LRBA: variants seen among roughly 807,000 people sequenced by gnomAD.
The protein encoded by LRBA is lipopolysaccharide-responsive and beige-like anchor protein.
Under a neutral mutation model 330.0 loss-of-function variants are expected in LRBA, and 176 were observed. That is an observed-to-expected ratio of 0.53 (90% CI 0.47 to 0.60). The LOEUF (loss-of-function observed/expected upper bound fraction) is 0.60. Among genes scored for constraint, LRBA ranks in the 20% least tolerant of loss-of-function variants. The pLI, the probability that LRBA is intolerant of heterozygous loss-of-function variation, is 0.00. For missense variants in LRBA, 3,259 were observed against 3,444.8 expected, an observed-to-expected ratio of 0.95 and a Z score of 1.35; for synonymous variants, 1,230 against 1,193.0, an observed-to-expected ratio of 1.03 and a Z score of -0.64.
At chr4:150,415,045 C>A (rs1014686386) in intron 47 of LRBA, among the ~76,000 whole-genome samples, 1 of 152,118 alleles carries the variant, frequency 6.6e-6, no homozygotes, top group Non-Finnish European at 1.5e-5. Flanking sequence ...AGATACAGGA[C>A]ATAATTTGAA....
chr4:150,286,809 ATGGT>A (rs756315382), intron 53 of LRBA, among the ~76,000 whole-genome samples: 1 of 152,122 alleles, frequency 6.6e-6, no homozygotes, highest in Non-Finnish European at 1.5e-5. Context: ...AAGAAAACGT[ATGGT>A]TGGTTGGTTG....
At chr4:150,619,104 T>C (rs1300846421) in intron 37 of LRBA, among the ~76,000 whole-genome samples, 1 of 152,082 alleles carries the variant, frequency 6.6e-6, no homozygotes, top group African/African-American at 2.4e-5. Context: ...TCAATGCAAG[T>C]TTAAAAAGAA....
Position 150,867,680 on chromosome 4 carries a change from A to C in LRBA, c.2757T>G (p.Thr919=). 2 of 1,602,964 alleles carry C rather than the reference A, an allele frequency of 1.2e-6. No homozygotes were observed. The highest frequency in any genetic ancestry group is 1.7e-6 in the Non-Finnish European group (2 of 1,176,082). The part of the protein sequence containing the change: ...WRVWVDTLSI[T]HSKVTFEIHK... ...TCATAAAGAAACTTACCTTTGAATG[A>C]GTGATTGATAAAGTGTCTACCCATA... Residue 919 remains threonine (T), a synonymous_variant, in exon 22 of 57, where the codon ACT becomes ACG. Coordinates refer to ENST00000651943, the MANE Select transcript of LRBA (RefSeq NM_001364905.1).
At chr4:150,892,832 T>C (rs544669685) in intron 17 of LRBA, among the ~76,000 whole-genome samples, 44 of 152,338 alleles carry the variant, frequency 2.9e-4, no homozygotes, top group African/African-American at 1.0e-3. Flanking sequence ...GAATCATTTA[T>C]CTGTCTTCAC....
At position 150,310,180 on chromosome 4, in the gene LRBA, TACTACTTATAGTAAACTTTAGTTC is replaced by T. The variant is rs1009566491; in HGVS notation, c.7849+25_7849+48del. 3.0e-6 allele frequency: 4 copies of T among 1,340,726 alleles called. No homozygotes were observed. In the African/African-American group the frequency reaches 4.3e-5, roughly 14 times the overall value. 83.1% of individuals were successfully genotyped at this position (1,340,726 alleles called of 1,614,324 possible). A position where few individuals can be genotyped will look rare whatever the true frequency, so the allele number is the denominator to read the frequency against. Reference sequence around the variant, plus strand: ...TAAGAATGCATCCTAAGCCTCTCAATACTACTTATAGTAAACTTTAGTTCACTGATAAAGAAAATGAAAATTACC... The same window carrying T: ...TAAGAATGCATCCTAAGCCTCTCAATACTGATAAAGAAAATGAAAATTACC... On this transcript the variant is annotated intron_variant, in intron 52 of 56. Coordinates refer to ENST00000651943, the MANE Select transcript of LRBA (RefSeq NM_001364905.1).
intron 47 of LRBA, among the ~76,000 whole-genome samples, chr4:150,400,858 A>G (rs1297925351): frequency 1.3e-5 from 2 of 152,152 alleles, no homozygotes; most frequent in Admixed American, 1.3e-4. Flanking sequence ...ATAATAAAAA[A>G]AGAAGTTTTC....
intron 25 of LRBA, 24 bp from the exon 26 acceptor site, chr4:150,849,022 TTATATA>T: frequency 6.8e-7 from 1 of 1,468,014 alleles, no homozygotes; most frequent in South Asian, 1.3e-5. Context: ...AGTTTGACAT[TTATATA>T]TATATATTCT....
At chr4:150,456,023 T>C (rs914346501) in intron 44 of LRBA, among the ~76,000 whole-genome samples, 3 of 152,190 alleles carry the variant, frequency 2.0e-5, no homozygotes, top group African/African-American at 7.2e-5. Flanking sequence ...TATGGCTGAA[T>C]AGTACTCCAT....
chr4:151,002,196 CAAAAAAAAAA>C (rs143587760), intron 2 of LRBA, among the ~76,000 whole-genome samples: 1 of 24,406 alleles, frequency 4.1e-5, no homozygotes, highest in South Asian at 2.9e-3. Flanking sequence ...CATAAAACAG[CAAAAAAAAAA>C]AAAAAAAAAA....
intron 36 of LRBA, among the ~76,000 whole-genome samples, chr4:150,702,144 T>G (rs1018318796): frequency 1.3e-5 from 2 of 152,212 alleles, no homozygotes; most frequent in African/African-American, 4.8e-5. Flanking sequence ...TGAGTTTACT[T>G]TAAAAGCTAG....
chr4:150,475,897 C>T (rs557933988), intron 42 of LRBA, among the ~76,000 whole-genome samples: 4 of 150,312 alleles, frequency 2.7e-5, no homozygotes, highest in East Asian at 2.0e-4. Flanking sequence ...AGAGCAAGAT[C>T]GTGTCTCTAC....
At chr4:150,460,678 A>G (rs1468746277) in intron 44 of LRBA, among the ~76,000 whole-genome samples, 2 of 151,754 alleles carry the variant, frequency 1.3e-5, no homozygotes. Flanking sequence ...GTGCAGGTTC[A>G]TTTTCTTCTA....
chr4:150,908,904 C>A, intron 9 of LRBA, 47 bp from the exon 10 acceptor site: 1 of 1,323,170 alleles, frequency 7.6e-7, no homozygotes, highest in South Asian at 1.3e-5. Flanking sequence ...CAAAGAGAAT[C>A]TAAGTACAAA....
chr4:150,683,485 G>T, intron 37 of LRBA, 66 bp downstream of exon 37: 2 of 1,231,682 alleles, frequency 1.6e-6, no homozygotes, highest in South Asian at 1.3e-5. Flanking sequence ...CATATCCAAA[G>T]TCATTTATCT....
At position 150,824,868 on chromosome 4, in the gene LRBA, G is replaced by C. The variant is rs373578894; in HGVS notation, c.5171+3312C>G. Among the ~76,000 whole-genome samples the C allele has an allele frequency of 4.0e-5, 6 of 151,892 alleles. 1 individual carries two copies. Among genetic ancestry groups the C allele is most frequent in the African/African-American group, 9.7e-5 (4 of 41,350 alleles). Reference sequence around the variant, plus strand: ...CAGCTCACTGTAGTGTCAAACTCCTGGGCTCCAGTGATCCTCCCGCCTCAG... The same window carrying C: ...CAGCTCACTGTAGTGTCAAACTCCTCGGCTCCAGTGATCCTCCCGCCTCAG... On this transcript the variant is annotated intron_variant, in intron 30 of 56. Transcript: ENST00000651943.
intron 2 of LRBA, among the ~76,000 whole-genome samples, chr4:150,983,831 G>C (rs1038408272): frequency 6.6e-6 from 1 of 151,676 alleles, no homozygotes; most frequent in Non-Finnish European, 1.5e-5. Flanking sequence ...GTTACCATCT[G>C]AACTCTCAAG....
intron 48 of LRBA, among the ~76,000 whole-genome samples, chr4:150,330,588 C>T (rs765893423): frequency 2.6e-5 from 4 of 152,084 alleles, no homozygotes; most frequent in East Asian, 1.9e-4. Flanking sequence ...AGCGTGCAAC[C>T]GAGATCCCTC....
In LRBA at chr4:150,435,668, T is replaced by G; in HGVS notation, c.6962A>C (p.Lys2321Thr). 1 of 1,611,912 alleles carries G rather than the reference T, an allele frequency of 6.2e-7. No individual in the cohort carries two copies. ...AAAAGTTCGATCTGCATGATCAAAT[T>G]TGCCTCCTTGCAAATTTAGGAAATA... ...TTYFLNLQGG[K>T]FDHADRTFSS... The change falls in exon 46 of 57, where the codon AAA becomes ACA. Residue 2321 changes from lysine (K) to threonine (T), a missense_variant. Coordinates refer to ENST00000651943, the MANE Select transcript of LRBA (RefSeq NM_001364905.1).
chr4:150,267,801 T>C (rs565776388), intron 56 of LRBA, among the ~76,000 whole-genome samples: 1 of 152,328 alleles, frequency 6.6e-6, no homozygotes, highest in Non-Finnish European at 1.5e-5. Flanking sequence ...GGATCATGCC[T>C]GTAATCCCAG....
Sources: allele counts gnomAD v4.1 joint callset (sites outside exome capture counted in the v4.1 genomes callset), GRCh38; gene constraint gnomAD v4.1.1; transcripts MANE v1.5; gene names NCBI Gene and HGNC (gene_info 2026-07-23, HGNC 2026-07-21).